Variants in CACYBP observed in about 807,000 individuals in gnomAD.
CACYBP encodes the protein calcyclin-binding protein.
In CACYBP, 11 loss-of-function variants were observed where a neutral mutation model predicts 29.6. That is an observed-to-expected ratio of 0.37 (90% CI 0.23 to 0.61). The LOEUF (loss-of-function observed/expected upper bound fraction) is 0.61. Among genes scored for constraint, CACYBP ranks in the 20% least tolerant of loss-of-function variants. CACYBP has a pLI of 0.65. For synonymous variants in CACYBP, 73 were observed against 88.3 expected (o/e 0.83, Z 0.97); for missense variants, 163 against 260.7 (o/e 0.63, Z 2.58).
At chr1:174,999,903 G>T, upstream of CACYBP, 1 of 531,040 alleles carries the variant, frequency 1.9e-6, no homozygotes. Context: ...GGAGGGGTGG[G>T]GCTAGGCTCG....
rs1672709159 is a variant in CACYBP at position 175,009,977 on chromosome 1, A to G, written c.585A>G (p.Leu195=). ...CTAGTGAGGGATTGATGAATGTTCT[A>G]AAGAAAATTTATGAAGATGGAGACG... ...TDPSEGLMNV[L]KKIYEDGDDD... Residue 195 remains leucine, a synonymous_variant, in exon 6 of 6, where the codon CTA becomes CTG. Transcript: ENST00000367679. The G allele has an allele frequency of 1.2e-6, 2 of 1,613,210 alleles. No individual in the cohort carries two copies. Among genetic ancestry groups the G allele is most frequent in the African/African-American group, 2.7e-5 (2 of 75,020 alleles).
chr1:175,004,844 C>A lies in CACYBP; in HGVS notation c.235+11C>A, dbSNP rs1167006290. On this transcript the variant is annotated intron_variant, in intron 2 of 5. Coordinates refer to ENST00000367679, the MANE Select transcript of CACYBP (RefSeq NM_014412.3). ...AAATCAGTAATTATGGTATGACTTG[C>A]TTCCCTATAGCCAGTTCTGCCTCCG... 2 of 1,552,920 alleles carry A rather than the reference C, an allele frequency of 1.3e-6. No homozygotes were observed. Among genetic ancestry groups the A allele is most frequent in the East Asian group, 4.5e-5 (2 of 44,584 alleles).
intron 1 of CACYBP, among the ~76,000 whole-genome samples, chr1:175,003,627 G>T (rs2149410390): frequency 2.0e-5 from 3 of 152,282 alleles, no homozygotes; most frequent in Middle Eastern, 3.4e-3. Context: ...TTTAAATTGA[G>T]CTTTTGATAT....
chr1:175,000,261 T>A, intron 1 of CACYBP, 66 bp downstream of exon 1: 1 of 1,551,684 alleles, frequency 6.4e-7, no homozygotes, highest in Non-Finnish European at 8.7e-7. Context: ...CCTCCCGCCC[T>A]ACCGCCGTTT....
chr1:175,002,362 C>T (rs1005700562), intron 1 of CACYBP, among the ~76,000 whole-genome samples: 5 of 152,062 alleles, frequency 3.3e-5, no homozygotes, highest in African/African-American at 7.2e-5. Context: ...ATTTGATATG[C>T]GTTTACCCAA....
At chr1:175,006,460 T>C (rs1261217963) in intron 2 of CACYBP, 2 of 232,382 alleles carry the variant, frequency 8.6e-6, no homozygotes, top group African/African-American at 2.3e-5. Context: ...TTAGTGATCA[T>C]ATTTTTATTC....
At chr1:175,004,129 A>G (rs1299467102) in intron 1 of CACYBP, among the ~76,000 whole-genome samples, 1 of 152,314 alleles carries the variant, frequency 6.6e-6, no homozygotes, top group East Asian at 1.9e-4. Context: ...AAGACCAATC[A>G]GTGACAGAAA....
intron 5 of CACYBP, among the ~76,000 whole-genome samples, chr1:175,009,381 C>T (rs1363059709): frequency 6.6e-6 from 1 of 152,112 alleles, no homozygotes; most frequent in Admixed American, 6.5e-5. Flanking sequence ...TGGGGTGGCT[C>T]ACGCCTGTAA....
intron 1 of CACYBP, 181 bp downstream of exon 1, chr1:175,000,376 C>T: frequency 7.0e-7 from 1 of 1,423,002 alleles, no homozygotes; most frequent in Non-Finnish European, 9.2e-7. Context: ...GGCTCCCCAG[C>T]GCTTCCACTC....
chr1:175,000,869 CTG>C (rs1392284053), intron 1 of CACYBP, among the ~76,000 whole-genome samples: 12 of 152,186 alleles, frequency 7.9e-5, no homozygotes, highest in Non-Finnish European at 1.6e-4. Context: ...TCTGTAAACT[CTG>C]AACGTTGGAG....
At chr1:175,004,298 GT>G (rs1672561752) in intron 1 of CACYBP, among the ~76,000 whole-genome samples, 1 of 152,114 alleles carries the variant, frequency 6.6e-6, no homozygotes, top group Non-Finnish European at 1.5e-5. Flanking sequence ...TCAAAAAAAA[GT>G]TCTTTGTTTT....
At position 175,007,025 on chromosome 1, in the gene CACYBP, T is replaced by TC. The variant is rs1172645906; in HGVS notation, c.333-70dup. 5 of 1,115,690 alleles carry TC rather than the reference T, an allele frequency of 4.5e-6. No individual in the cohort carries two copies. In the Admixed American group the frequency reaches 6.1e-5, roughly 14 times the overall value. The allele number at this position is 1,115,690 out of a possible 1,614,324, so 69.1% of individuals were successfully genotyped here. On this transcript the variant is annotated intron_variant, in intron 3 of 5. Coordinates refer to ENST00000367679, the MANE Select transcript of CACYBP (RefSeq NM_014412.3). ...CCTGAAATAAAGCCAGCAGCTTTTT[T>TC]CCCACAAGAACTATGGAGTAAGGGT... is the stretch of plus-strand genomic sequence containing the variant.
intron 1 of CACYBP, among the ~76,000 whole-genome samples, chr1:175,001,072 G>GTT (rs1672474531): frequency 3.3e-5 from 5 of 152,120 alleles, no homozygotes; most frequent in Admixed American, 3.3e-4. Flanking sequence ...GTTTTGTTTT[G>GTT]TTTTTGTTTT....
chr1:175,000,280 T>A, intron 1 of CACYBP, 85 bp downstream of exon 1: 1 of 1,535,906 alleles, frequency 6.5e-7, no homozygotes, highest in Non-Finnish European at 8.8e-7. Flanking sequence ...TTCCGTGGGC[T>A]GAGCCGCCCT....
intron 2 of CACYBP, among the ~76,000 whole-genome samples, chr1:175,005,382 G>A (rs1009085674): frequency 6.6e-6 from 1 of 152,192 alleles, no homozygotes; most frequent in Non-Finnish European, 1.5e-5. Context: ...TTTGGCGGCA[G>A]CGCAACTTGA....
chr1:174,999,905 C>T (rs1672417590), upstream of CACYBP: 1 of 531,000 alleles, frequency 1.9e-6, no homozygotes, highest in Non-Finnish European at 3.3e-6. Flanking sequence ...AGGGGTGGGG[C>T]TAGGCTCGGC....
At chr1:175,006,546 C>G (rs759438306) in intron 2 of CACYBP, 199 bp from the exon 3 acceptor site, 4 of 389,850 alleles carry the variant, frequency 1.0e-5, no homozygotes, top group Non-Finnish European at 1.8e-5. Flanking sequence ...TGTTAGATGC[C>G]TAGCTTTGGG....
intron 5 of CACYBP, 131 bp downstream of exon 5, chr1:175,008,837 C>A: frequency 1.6e-6 from 1 of 630,294 alleles, no homozygotes. Flanking sequence ...GCACGTCCAG[C>A]AAGTTGCTTT....
chr1:175,000,083 G>T lies in CACYBP; in HGVS notation c.-98G>T. On this transcript the variant is annotated 5_prime_UTR_variant, in exon 1 of 6. Transcript: ENST00000367679. ...CAGGCTGCAGCGCCGCGACTCGTGC[G>T]GGTAGGCGTCTGCGCTCGGTTTGAG... is the stretch of plus-strand genomic sequence containing the variant. 1 of 1,491,736 alleles carries T rather than the reference G, an allele frequency of 6.7e-7. No homozygotes were observed. Among genetic ancestry groups the T allele is most frequent in the East Asian group, 2.5e-5 (1 of 40,580 alleles). The allele number at this position is 1,491,736 out of a possible 1,614,324, so 92.4% of individuals were successfully genotyped here.
Sources: allele counts gnomAD v4.1 joint callset (sites outside exome capture counted in the v4.1 genomes callset), GRCh38; gene constraint gnomAD v4.1.1; transcripts MANE v1.5; gene names NCBI Gene and HGNC (gene_info 2026-07-23, HGNC 2026-07-21).